THOC7: variants seen among roughly 807,000 people sequenced by gnomAD.
The protein encoded by THOC7 is THO complex subunit 7.
In THOC7, 22 loss-of-function variants were observed where a neutral mutation model predicts 33.1. That is an observed-to-expected ratio of 0.66 (90% CI 0.47 to 0.95). The LOEUF (loss-of-function observed/expected upper bound fraction) is 0.95, where lower values mean the gene tolerates loss of function less well. Among genes scored for constraint, THOC7 ranks in the 40% least tolerant of loss-of-function variants. The pLI is 0.00. For missense variants in THOC7, 184 were observed against 245.3 expected, an observed-to-expected ratio of 0.75 and a Z score of 1.67; for synonymous variants, 77 against 76.8, an observed-to-expected ratio of 1.00 and a Z score of -0.01.
At chr3:63,850,238 T>C (rs1437128900) in intron 1 of THOC7, among the ~76,000 whole-genome samples, 1 of 152,106 alleles carries the variant, frequency 6.6e-6, no homozygotes, top group African/African-American at 2.4e-5. Context: ...TTCACTCCCA[T>C]TGCCCAGGCT....
upstream of THOC7, chr3:63,863,951 G>GT (rs1702317267): frequency 2.5e-5 from 2 of 81,270 alleles, no homozygotes; most frequent in Non-Finnish European, 5.5e-5. Flanking sequence ...GCGCCGCGCC[G>GT]CGCCGCCGCC....
In THOC7 at chr3:63,833,914, CT is replaced by C; in HGVS notation, c.*217del. ...ATTAAGCATTTTTGGATGTTGCTTC[CT>C]ACCACTTAAGAATAAAAAATGCATT... On this transcript the variant is annotated 3_prime_UTR_variant, in exon 8 of 8. Transcript: ENST00000295899. 2.2e-6 allele frequency: 1 copy of C among 459,240 alleles called. No individual in the cohort carries two copies. The highest frequency in any genetic ancestry group is 3.6e-5 in the East Asian group (1 of 28,050). The allele number at this position is 459,240 out of a possible 1,614,324, so 28.4% of individuals were successfully genotyped here. A position where few individuals can be genotyped will look rare whatever the true frequency, so the allele number is the denominator to read the frequency against.
At chr3:63,848,639 C>T (rs979060071) in intron 1 of THOC7, 1 of 152,160 alleles carries the variant, frequency 6.6e-6, no homozygotes, top group African/African-American at 2.4e-5. Flanking sequence ...TTGATTAAGA[C>T]TTGTCTCAGA....
intron 1 of THOC7, among the ~76,000 whole-genome samples, chr3:63,848,791 T>G (rs1701959656): frequency 6.6e-6 from 1 of 152,024 alleles, no homozygotes; most frequent in South Asian, 2.1e-4. Flanking sequence ...AACATTGCTG[T>G]TTTTTTTAAT....
chr3:63,851,232 C>G (rs552049442), intron 1 of THOC7, among the ~76,000 whole-genome samples: 4 of 152,122 alleles, frequency 2.6e-5, no homozygotes, highest in Non-Finnish European at 5.9e-5. Flanking sequence ...AACAAAAACT[C>G]AAACAAACTT....
rs570420333 is a variant in THOC7 at position 63,835,472 on chromosome 3, A to G, written c.411-82T>C. 5 of 1,275,044 alleles carry G rather than the reference A, an allele frequency of 3.9e-6. No individual in the cohort carries two copies. In the Admixed American group the frequency reaches 8.4e-5, roughly 22 times the overall value. The allele number at this position is 1,275,044 out of a possible 1,614,324, so 79.0% of individuals were successfully genotyped here. On this transcript the variant is annotated intron_variant, in intron 5 of 7. Coordinates refer to ENST00000295899, the MANE Select transcript of THOC7 (RefSeq NM_025075.4). ...TAATGCCTAACTTTTAAGTTACTAG[A>G]TAGGATTTTTAAAATAAAAAAAGGG...
upstream of THOC7, chr3:63,863,942 C>T: frequency 7.3e-6 from 1 of 137,220 alleles, no homozygotes; most frequent in Non-Finnish European, 1.3e-5. Context: ...GCCTGAGCCG[C>T]GCCGCGCCGC....
chr3:63,859,199 C>G (rs1436421363), intron 1 of THOC7, among the ~76,000 whole-genome samples: 1 of 152,212 alleles, frequency 6.6e-6, no homozygotes, highest in East Asian at 1.9e-4. Context: ...TCCCTGTTTC[C>G]ATTCTTGCCT....
At chr3:63,834,938 C>T (rs1442852842) in intron 7 of THOC7, among the ~76,000 whole-genome samples, 1 of 151,980 alleles carries the variant, frequency 6.6e-6, no homozygotes, top group Non-Finnish European at 1.5e-5. Context: ...TAATTTAAAC[C>T]ACTATGTATA....
chr3:63,863,814 CGGCGGCGGCGCAAGCTGAGGCGGCGGTT>C (rs1702309603), upstream of THOC7: 14 of 1,234,246 alleles, frequency 1.1e-5, no homozygotes, highest in Admixed American at 3.0e-4. Context: ...GCGGCGGCGG[CGGCGGCGGCGCAAGCTGAGGCGGCGGTT>C]GGCGGCGGCG....
chr3:63,849,540 G>T (rs935371608), intron 1 of THOC7, among the ~76,000 whole-genome samples: 7 of 152,004 alleles, frequency 4.6e-5, no homozygotes, highest in African/African-American at 1.7e-4. Context: ...ACATTGAGAG[G>T]TTTCTAAAAT....
intron 1 of THOC7, among the ~76,000 whole-genome samples, chr3:63,840,257 T>G (rs2107127778): frequency 6.6e-6 from 1 of 152,220 alleles, no homozygotes; most frequent in African/African-American, 2.4e-5. Flanking sequence ...CAGGAAATAT[T>G]TAAAAGATGT....
chr3:63,856,192 T>G (rs547508346), intron 1 of THOC7, among the ~76,000 whole-genome samples: 487 of 151,898 alleles, frequency 3.2e-3, no homozygotes, highest in Non-Finnish European at 5.4e-3. Context: ...AGCTAAAAAT[T>G]GAAACAACTG....
intron 1 of THOC7, 161 bp downstream of exon 1, chr3:63,863,611 G>A: frequency 8.4e-7 from 1 of 1,195,928 alleles, no homozygotes; most frequent in Non-Finnish European, 1.0e-6. Context: ...AGCAGCCGGG[G>A]AGGCCCGGGG....
At position 63,849,675 on chromosome 3, in the gene THOC7, T is replaced by C. The variant is rs535241589; in HGVS notation, c.20-9902A>G. On this transcript the variant is annotated intron_variant, in intron 1 of 7. Transcript: ENST00000295899. ...GGTCTGTGATTATCTTTTGTAGAAA[T>C]GAGGGTGAATGTAGAGAAAAAAATT... Among the ~76,000 whole-genome samples, 24 of 152,338 alleles carry C rather than the reference T, an allele frequency of 1.6e-4. No homozygotes were observed. In the South Asian group the frequency reaches 4.6e-3, roughly 29 times the overall value.
Position 63,834,110 on chromosome 3 carries a change from G to C in THOC7, c.*22C>G, listed in dbSNP as rs1701575448. 6.2e-7 allele frequency: 1 copy of C among 1,612,562 alleles called. No individual in the cohort carries two copies. The highest frequency in any genetic ancestry group is 8.5e-7 in the Non-Finnish European group (1 of 1,178,906). The stretch of plus-strand genomic sequence containing the variant: ...CATGTAGCTATTTCAATATTCCTGG[G>C]AGTGGTGGGCAATTAGCCTGTCTAT... On this transcript the variant is annotated 3_prime_UTR_variant, in exon 8 of 8. Transcript: ENST00000295899.
chr3:63,858,942 A>G lies in THOC7; in HGVS notation c.19+4830T>C, dbSNP rs538170243. Among the ~76,000 whole-genome samples, 4 of 152,304 alleles carry G rather than the reference A, an allele frequency of 2.6e-5. No individual in the cohort carries two copies. In the South Asian group the frequency reaches 8.3e-4, roughly 32 times the overall value. On this transcript the variant is annotated intron_variant, in intron 1 of 7. Coordinates refer to ENST00000295899, the MANE Select transcript of THOC7 (RefSeq NM_025075.4). Reference sequence around the variant, plus strand: ...GGAAATAAAGGGCTGCTTCTTCAAGAGCTCCCAGTCCAACTGGATACGCAG... The same window carrying G: ...GGAAATAAAGGGCTGCTTCTTCAAGGGCTCCCAGTCCAACTGGATACGCAG...
intron 1 of THOC7, among the ~76,000 whole-genome samples, chr3:63,858,607 T>C (rs1415533851): frequency 1.3e-5 from 2 of 152,232 alleles, no homozygotes; most frequent in African/African-American, 4.8e-5. Context: ...CAAAAAGTGC[T>C]TCTGAAATGA....
At chr3:63,838,130 C>T in intron 3 of THOC7, 68 bp from the exon 4 acceptor site, 2 of 1,424,316 alleles carry the variant, frequency 1.4e-6, no homozygotes, top group Non-Finnish European at 1.9e-6. Flanking sequence ...TTTTAAAACG[C>T]ATTTATAAAT....
Sources: allele counts gnomAD v4.1 joint callset (sites outside exome capture counted in the v4.1 genomes callset), GRCh38; gene constraint gnomAD v4.1.1; transcripts MANE v1.5; gene names NCBI Gene and HGNC (gene_info 2026-07-23, HGNC 2026-07-21).